The following FRMPD4 variants were observed in gnomAD, a reference collection of about 807,000 sequenced individuals.
The protein encoded by FRMPD4 is FERM and PDZ domain-containing protein 4.
In FRMPD4, 22 loss-of-function variants were observed where a neutral mutation model predicts 94.1. That is an observed-to-expected ratio of 0.23 (90% CI 0.17 to 0.33). The LOEUF is 0.33. FRMPD4 is among the 10% of genes least tolerant of loss of function. FRMPD4 has a pLI of 1.00. For synonymous variants in FRMPD4, 631 were observed against 548.6 expected (o/e 1.15, Z -2.10); for missense variants, 1,111 against 1,339.9 (o/e 0.83, Z 2.67).
At chrX:12,656,448 G>A (rs1407136396) in intron 4 of FRMPD4, among the ~76,000 whole-genome samples, 1 of 111,862 alleles carries the variant, frequency 8.9e-6, no homozygotes, top group East Asian at 2.8e-4. Flanking sequence ...CCCCAAATTG[G>A]ACTACTCAAA....
chrX:12,536,453 T>A (rs1228758978), intron 2 of FRMPD4, among the ~76,000 whole-genome samples: 1 of 111,982 alleles, frequency 8.9e-6, no homozygotes, highest in African/African-American at 3.2e-5. Context: ...TAGACACAGT[T>A]TAGAGTTTAA....
intron 1 of FRMPD4, among the ~76,000 whole-genome samples, chrX:12,479,437 CACAT>C (rs1357840384): frequency 0.019 from 476 of 24,634 alleles, 1 homozygote; most frequent in African/African-American, 0.052. Flanking sequence ...TATATATACA[CACAT>C]ATATGTATAT....
chrX:12,600,270 G>A (rs2059073237), intron 2 of FRMPD4, among the ~76,000 whole-genome samples: 1 of 110,266 alleles, frequency 9.1e-6, no homozygotes, highest in Non-Finnish European at 1.9e-5. Context: ...CGTCTGGAAA[G>A]TTTCCATCTC....
chrX:12,706,923 C>CTTTTTTT lies in FRMPD4; in HGVS notation c.1287+20_1287+26dup, dbSNP rs746601138. The CTTTTTTT allele has an allele frequency of 4.6e-5, 28 of 609,235 alleles. No individual in the cohort carries two copies. Among genetic ancestry groups the CTTTTTTT allele is most frequent in the Admixed American group, 1.9e-4 (5 of 26,521 alleles). 50.2% of individuals were successfully genotyped at this position (609,235 alleles called of 1,213,427 possible). On this transcript the variant is annotated intron_variant, in intron 12 of 16. Transcript: ENST00000675598. ...TTCAAGGCAACATTAGTGGTAATTTCTTTTTTTTTTTTTTTTTTGCTTTCT... is the reference window on the plus strand; with the variant it reads ...TTCAAGGCAACATTAGTGGTAATTTCTTTTTTTTTTTTTTTTTTTTTTTTTGCTTTCT...
At chrX:12,126,345 T>C (rs2073616719) in intron 3 of FRMPD4, among the ~76,000 whole-genome samples, 1 of 112,192 alleles carries the variant, frequency 8.9e-6, no homozygotes, top group African/African-American at 3.2e-5. Flanking sequence ...AGGAGAATAC[T>C]ACATTTCTTG....
At chrX:12,323,989 AT>A (rs2055248640) in intron 1 of FRMPD4, among the ~76,000 whole-genome samples, 1 of 111,887 alleles carries the variant, frequency 8.9e-6, no homozygotes, top group Non-Finnish European at 1.9e-5. Context: ...ATAAACCACC[AT>A]GAGGAGGTTG....
At chrX:12,122,607 T>C (rs79445603) in intron 3 of FRMPD4, among the ~76,000 whole-genome samples, 1 of 110,693 alleles carries the variant, frequency 9.0e-6, no homozygotes, top group African/African-American at 3.3e-5. Context: ...TTTTTTTTTT[T>C]TCATGAACAC....
intron 4 of FRMPD4, among the ~76,000 whole-genome samples, chrX:12,653,097 G>C (rs2059611947): frequency 8.9e-6 from 1 of 111,911 alleles, no homozygotes; most frequent in Non-Finnish European, 1.9e-5. Flanking sequence ...TATGAAAAGG[G>C]ATTTAATCTT....
Position 12,682,875 on chromosome X carries a change from G to A in FRMPD4, c.469-608G>A, listed in dbSNP as rs966517611. On this transcript the variant is annotated intron_variant, in intron 5 of 16. Transcript: ENST00000675598. ...ACTTTCAATTGTAATGAAAGGTCTCGTCTCTACCCTGCCCAGTAAGATCAC... is the reference window on the plus strand; with the variant it reads ...ACTTTCAATTGTAATGAAAGGTCTCATCTCTACCCTGCCCAGTAAGATCAC... Among the ~76,000 whole-genome samples the A allele has an allele frequency of 1.3e-4, 14 of 111,873 alleles. No homozygotes were observed. The East Asian group carries it at 1.4e-3, about 11-fold the overall frequency.
At chrX:12,416,807 G>C (rs759958139) in intron 1 of FRMPD4, among the ~76,000 whole-genome samples, 22 of 111,520 alleles carry the variant, frequency 2.0e-4, no homozygotes, top group Middle Eastern at 4.6e-3. Context: ...TCTTTGTCTG[G>C]TTGTACCTTT....
At chrX:12,074,607 A>G (rs1414201707) in intron 3 of FRMPD4, among the ~76,000 whole-genome samples, 2 of 112,056 alleles carry the variant, frequency 1.8e-5, no homozygotes, top group African/African-American at 6.5e-5. Context: ...TTTCAATATA[A>G]ATGAGATTAT....
At chrX:12,236,371 A>C (rs953341655) in intron 1 of FRMPD4, among the ~76,000 whole-genome samples, 28 of 111,276 alleles carry the variant, frequency 2.5e-4, no homozygotes, top group African/African-American at 9.1e-4. Context: ...ACTATATGTC[A>C]GTTACTGTTC....
intron 3 of FRMPD4, among the ~76,000 whole-genome samples, chrX:11,919,912 C>CA (rs2054045753): frequency 8.9e-6 from 1 of 112,446 alleles, no homozygotes; most frequent in Non-Finnish European, 1.9e-5. Context: ...CAAAGAATTA[C>CA]TGCAGGATAA....
chrX:11,945,073 G>A (rs2054181748), intron 3 of FRMPD4, among the ~76,000 whole-genome samples: 1 of 111,823 alleles, frequency 8.9e-6, no homozygotes, highest in African/African-American at 3.3e-5. Flanking sequence ...CTCTGAGGGT[G>A]GGGCCAAGGC....
At chrX:12,152,262 T>C (rs2055863172) in intron 1 of FRMPD4, among the ~76,000 whole-genome samples, 1 of 112,019 alleles carries the variant, frequency 8.9e-6, no homozygotes, top group Non-Finnish European at 1.9e-5. Flanking sequence ...TTCAAAGAAA[T>C]TCATCTATGA....
At chrX:12,332,085 TTTATA>T (rs1569234739) in intron 1 of FRMPD4, among the ~76,000 whole-genome samples, 1 of 62,252 alleles carries the variant, frequency 1.6e-5, no homozygotes, top group Non-Finnish European at 2.9e-5. Flanking sequence ...TTATATATAA[TTTATA>T]TTATATATAA....
chrX:12,278,192 T>C (rs762018242), intron 1 of FRMPD4, among the ~76,000 whole-genome samples: 6 of 112,151 alleles, frequency 5.3e-5, no homozygotes, highest in Admixed American at 4.7e-4. Context: ...AATAAATTTT[T>C]TTCCATCTAA....
chrX:12,387,107 C>T (rs1045740662), intron 1 of FRMPD4, among the ~76,000 whole-genome samples: 3 of 111,580 alleles, frequency 2.7e-5, no homozygotes, highest in Admixed American at 9.5e-5. Context: ...TTTTAACTAC[C>T]GAGTTAAGAA....
chrX:12,650,370 C>G (rs781535184), intron 4 of FRMPD4, among the ~76,000 whole-genome samples: 215 of 112,042 alleles, frequency 1.9e-3, no homozygotes, highest in Non-Finnish European at 2.6e-3. Context: ...ATGGTGGCCC[C>G]AGACAGGCAG....
Sources: gnomAD v4.1 joint callset for allele counts (sites outside exome capture counted in the v4.1 genomes callset) on GRCh38, gnomAD v4.1.1 for gene constraint, MANE v1.5 for transcripts, NCBI Gene and HGNC (gene_info 2026-07-23, HGNC 2026-07-21) for gene names.